The following MAPK8IP1 variants were observed in gnomAD, a reference collection of about 807,000 sequenced individuals.
MAPK8IP1 encodes C-Jun-amino-terminal kinase-interacting protein 1.
Under a neutral mutation model 72.6 loss-of-function variants are expected in MAPK8IP1, and 17 were observed. That is an observed-to-expected ratio of 0.23 (90% CI 0.16 to 0.35). The LOEUF is 0.35. MAPK8IP1 is among the 10% of genes least tolerant of loss of function. MAPK8IP1 has a pLI of 1.00. For synonymous variants in MAPK8IP1, 401 were observed against 443.4 expected, an observed-to-expected ratio of 0.90 and a Z score of 1.20; for missense variants, 789 against 1,009.7, an observed-to-expected ratio of 0.78 and a Z score of 2.96.
chr11:45,905,094 A>G (rs1234870333), intron 10 of MAPK8IP1, 53 bp downstream of exon 10: 1 of 1,612,152 alleles, frequency 6.2e-7, no homozygotes, highest in East Asian at 2.2e-5. Flanking sequence ...TGCAGCCTTG[A>G]GGTGGGTGGG....
Position 45,900,835 on chromosome 11 carries a change from A to C in MAPK8IP1, c.522+383A>C, listed in dbSNP as rs2086647463. Among the ~76,000 whole-genome samples, 1 of 152,058 alleles carries C rather than the reference A, an allele frequency of 6.6e-6. No individual in the cohort carries two copies. The highest frequency in any genetic ancestry group is 1.5e-5 in the Non-Finnish European group (1 of 68,002). ...CTCCTGGTGAAAGTGGAGCAGGAGC[A>C]GGGCCTGGAGAAAAGGGCATCTGAA... is the stretch of plus-strand genomic sequence containing the variant. On this transcript the variant is annotated intron_variant, in intron 3 of 11. Transcript: ENST00000241014. This position sits in a 1 kb window ranked among gnomAD's most constrained non-coding sequence, Gnocchi z 6.5.
rs369634554 is a variant in MAPK8IP1 at position 45,903,187 on chromosome 11, G to A, written c.1417+3G>A. ...GAGTGGCCGCTCCCGCTCCTCCAGT[G>A]AGTCAGCAAGGGGAAGCAGTGGGGT... On this transcript the variant is annotated splice_donor_region_variant and intron_variant, in intron 5 of 11. Transcript: ENST00000241014. This position sits in a 1 kb window ranked among gnomAD's most constrained non-coding sequence, Gnocchi z 6.4. 6.3e-7 allele frequency: 1 copy of A among 1,599,328 alleles called. No homozygotes were observed. The highest frequency in any genetic ancestry group is 1.3e-5 in the African/African-American group (1 of 74,634).
intron 1 of MAPK8IP1, 71 bp downstream of exon 1, chr11:45,885,992 C>G (rs2086524097): frequency 1.1e-6 from 1 of 882,534 alleles, no homozygotes; most frequent in Non-Finnish European, 1.5e-6. Context: ...CCCTGCCCGC[C>G]CCCCACCCCA....
chr11:45,905,317 T>A, intron 11 of MAPK8IP1, 68 bp downstream of exon 11: 2 of 1,398,744 alleles, frequency 1.4e-6, no homozygotes, highest in Non-Finnish European at 2.0e-6. Flanking sequence ...TGGGGCTGCT[T>A]CCTGGCGCTC....
rs530446715 is a variant in MAPK8IP1, at chr11:45,899,577, G to A, written c.208-561G>A. ...GTGGAGGACCGATCTAGGGCTGGAG[G>A]GGCCCCGGGCCAGCTGGCTTAGGGC... On this transcript the variant is annotated intron_variant, in intron 2 of 11. Coordinates refer to ENST00000241014, the MANE Select transcript of MAPK8IP1 (RefSeq NM_005456.4). Among the ~76,000 whole-genome samples, 4 of 152,318 alleles carry A rather than the reference G, an allele frequency of 2.6e-5. No individual in the cohort carries two copies. The South Asian group carries it at 8.3e-4, about 32-fold the overall frequency.
At position 45,905,021 on chromosome 11, in the gene MAPK8IP1, A is replaced by G. The variant is rs752046035; in HGVS notation, c.1944A>G (p.Gly648=). The part of the protein sequence containing the change: ...FFQLKNISFC[G]YHPKNNKYFG... ...AGTTAAAAAACATCTCTTTCTGCGG[A>G]TATCATCCAAAGAACAACAAGTAAG... Residue 648 remains glycine, a synonymous_variant, in exon 10 of 12, where the codon GGA becomes GGG. Coordinates refer to ENST00000241014, the MANE Select transcript of MAPK8IP1 (RefSeq NM_005456.4). The G allele has an allele frequency of 5.6e-6, 9 of 1,614,030 alleles. No homozygotes were observed. The African/African-American group carries it at 1.2e-4, about 22-fold the overall frequency.
Position 45,903,879 on chromosome 11 carries a change from T to C in MAPK8IP1, c.1494-110T>C. 2 of 1,041,242 alleles carry C rather than the reference T, an allele frequency of 1.9e-6. No homozygotes were observed. The highest frequency in any genetic ancestry group is 3.0e-6 in the Non-Finnish European group (2 of 671,138). 64.5% of individuals were successfully genotyped at this position (1,041,242 alleles called of 1,614,324 possible). ...ACTGCAACAGGCACACAGGATGCTT[T>C]TGCAAATGTTTACTGAAATAACGAT... On this transcript the variant is annotated intron_variant, in intron 6 of 11. Coordinates refer to ENST00000241014, the MANE Select transcript of MAPK8IP1 (RefSeq NM_005456.4). This position sits in a 1 kb window ranked among gnomAD's most constrained non-coding sequence, Gnocchi z 6.4.
chr11:45,902,879 C>T lies in MAPK8IP1; in HGVS notation c.1112C>T (p.Thr371Ile). Residue 371 changes from threonine to isoleucine, a missense_variant, in exon 5 of 12, where the codon ACC becomes ATC. Around this residue, in one of 4 missense-constraint regions of MAPK8IP1, gnomAD observed 377 missense variants for 411.7 expected, o/e 0.92. Transcript: ENST00000241014. This position sits in a 1 kb window ranked among gnomAD's most constrained non-coding sequence, Gnocchi z 9.3. Reference sequence around the variant, plus strand: ...CCACGGGCCTCTCTGAGCTCGGACACCAGCGCCCTGTCCTATGACTCTGTC... The same window carrying T: ...CCACGGGCCTCTCTGAGCTCGGACATCAGCGCCCTGTCCTATGACTCTGTC... Reference protein sequence around the residue: ...PPPRASLSSDTSALSYDSVKY... With the variant: ...PPPRASLSSDISALSYDSVKY... 6.3e-7 allele frequency: 1 copy of T among 1,599,530 alleles called. No homozygotes were observed. The highest frequency in any genetic ancestry group is 8.5e-7 in the Non-Finnish European group (1 of 1,173,406).
intron 2 of MAPK8IP1, 148 bp downstream of exon 2, chr11:45,898,338 T>C: frequency 1.6e-6 from 1 of 628,538 alleles, no homozygotes. Context: ...ATAGGTATAC[T>C]GCTTGGCACG....
chr11:45,887,729 TA>T (rs1302560691), intron 1 of MAPK8IP1, among the ~76,000 whole-genome samples: 2 of 152,222 alleles, frequency 1.3e-5, no homozygotes, highest in Admixed American at 1.3e-4. Context: ...AGGGTGGCAG[TA>T]GGCCACGAGG....
intron 1 of MAPK8IP1, 138 bp downstream of exon 1, chr11:45,886,059 A>T (rs374024490): frequency 3.9e-4 from 187 of 477,712 alleles, no homozygotes; most frequent in African/African-American, 3.6e-3. Flanking sequence ...TCTTCCCGGG[A>T]CAGAGCCCCC....
In MAPK8IP1 at chr11:45,904,790, G is replaced by A; in HGVS notation, c.1849G>A (p.Gly617Ser). The A allele has an allele frequency of 1.9e-6, 3 of 1,614,024 alleles. No homozygotes were observed. Among genetic ancestry groups the A allele is most frequent in the Non-Finnish European group, 8.5e-7 (1 of 1,180,032 alleles). Residue 617 changes from glycine (G) to serine (S), a missense_variant, in exon 9 of 12, where the codon GGT (glycine) becomes AGT (serine). This residue lies in a region of MAPK8IP1 where 188 missense variants were observed against 293.3 expected (regional missense o/e 0.64). Coordinates refer to ENST00000241014, the MANE Select transcript of MAPK8IP1 (RefSeq NM_005456.4). The surrounding 1 kb of genome is among the most constrained non-coding windows in gnomAD (Gnocchi z 6.4). ...SSCVLEISVR[G>S]VKIGVKADDS... ...CTGTGTCCTGGAGATCAGCGTGCGG[G>A]GTGTGAAGATAGGCGTCAAGGCCGA... is the stretch of plus-strand genomic sequence containing the variant.
intron 1 of MAPK8IP1, chr11:45,896,492 G>GT (rs2086606588): frequency 1.5e-5 from 15 of 1,015,858 alleles, no homozygotes; most frequent in Non-Finnish European, 1.7e-5. Flanking sequence ...GGCCAGGGAG[G>GT]GGGGGCCACT....
At chr11:45,897,888 G>T (rs2134671434) in intron 1 of MAPK8IP1, among the ~76,000 whole-genome samples, 197 bp from the exon 2 acceptor site, 1 of 152,266 alleles carries the variant, frequency 6.6e-6, no homozygotes, top group East Asian at 1.9e-4. Flanking sequence ...ACCCTAGGAG[G>T]ACTGCCTTTT....
intron 2 of MAPK8IP1, among the ~76,000 whole-genome samples, chr11:45,899,307 C>G (rs1190726743): frequency 2.0e-5 from 3 of 152,236 alleles, no homozygotes; most frequent in African/African-American, 4.8e-5. Flanking sequence ...GGGTTGCCTC[C>G]GAGCTAGGCA....
chr11:45,885,921 G>A lies in MAPK8IP1; in HGVS notation c.101G>A (p.Arg34Lys). 6.8e-7 allele frequency: 1 copy of A among 1,476,744 alleles called. No homozygotes were observed. Among genetic ancestry groups the A allele is most frequent in the Non-Finnish European group, 9.0e-7 (1 of 1,110,100 alleles). The allele number at this position is 1,476,744 out of a possible 1,614,324, so 91.5% of individuals were successfully genotyped here. A position where few individuals can be genotyped will look rare whatever the true frequency, so the allele number is the denominator to read the frequency against. The stretch of plus-strand genomic sequence containing the variant: ...CACATCGCTTCGCCTCCCAATTTCA[G>A]GTGAGAGTCCCCGGCCGCCGCGCGC... ...GLHIASPPNF[R>K]LTHDISLEEF... The change falls in exon 1 of 12, where the codon AGG (arginine) becomes AAG (lysine). Residue 34 changes from arginine (R) to lysine (K), a missense_variant and splice_region_variant. Around this residue, in one of 4 missense-constraint regions of MAPK8IP1, gnomAD observed 112 missense variants for 111.8 expected, o/e 1.00. Transcript: ENST00000241014.
intron 1 of MAPK8IP1, among the ~76,000 whole-genome samples, chr11:45,894,891 T>C (rs987561172): frequency 2.6e-5 from 4 of 152,206 alleles, no homozygotes; most frequent in Non-Finnish European, 5.9e-5. Flanking sequence ...CCCTGTCTGC[T>C]GCACACACTA....
At position 45,905,680 on chromosome 11, in the gene MAPK8IP1, G is replaced by A. The variant is rs762508614; in HGVS notation, c.2095G>A (p.Val699Met). The stretch of plus-strand genomic sequence containing the variant: ...ATTCCAGCAGTTCTACAAGCAGTTT[G>A]TGGAGTACACCTGCCCCACAGAAGA... ...RAFQQFYKQF[V>M]EYTCPTEDIY... Residue 699 changes from valine to methionine, a missense_variant, in exon 12 of 12, where the codon GTG (valine) becomes ATG (methionine). Val to Met is a conservative substitution (Grantham distance 21). This residue lies in a region of MAPK8IP1 where 188 missense variants were observed against 293.3 expected (regional missense o/e 0.64). Coordinates refer to ENST00000241014, the MANE Select transcript of MAPK8IP1 (RefSeq NM_005456.4). 1.2e-6 allele frequency: 2 copies of A among 1,613,928 alleles called. No individual in the cohort carries two copies. Among genetic ancestry groups the A allele is most frequent in the South Asian group, 2.2e-5 (2 of 91,080 alleles).
chr11:45,892,244 C>G (rs2086573030), intron 1 of MAPK8IP1, among the ~76,000 whole-genome samples: 1 of 152,172 alleles, frequency 6.6e-6, no homozygotes, highest in Non-Finnish European at 1.5e-5. Context: ...CCCACCGTTT[C>G]AGCCAGCACC....
Sources: allele counts gnomAD v4.1 joint callset (sites outside exome capture counted in the v4.1 genomes callset), GRCh38; gene constraint gnomAD v4.1.1; regional missense constraint gnomAD v4.1.1; non-coding constraint Gnocchi (gnomAD v3.1); transcripts MANE v1.5; gene names NCBI Gene and HGNC (gene_info 2026-07-23, HGNC 2026-07-21).